ZNF737: variants seen among roughly 807,000 people sequenced by gnomAD.
The protein encoded by ZNF737 is zinc finger protein 102 (Y3).
A neutral mutation model predicts 11.7 loss-of-function variants in ZNF737; 13 were observed. The ratio of observed to expected loss-of-function variants is 1.11; its 90% CI spans 0.73 to 1.77. ZNF737 has a LOEUF of 1.77. ZNF737 is among the 40% of genes most tolerant of loss of function. The probability of loss-of-function intolerance (pLI) is 0.00; values close to 1 mark genes in which losing one functional copy is unlikely to be tolerated. For synonymous variants in ZNF737, 217 were observed against 216.2 expected (o/e 1.00, Z -0.03); for missense variants, 636 against 638.0 (o/e 1.00, Z 0.03).
chr19:20,541,343 TTAAAAC>T lies in ZNF737; in HGVS notation c.*3243_*3248del, dbSNP rs1256656467. Reference sequence around the variant, plus strand: ...ATGTGTATATTTAACTCTATGTAAATTAAAACTAAAAGTCTATGTGTTTGCAGGCAG... The same window carrying T: ...ATGTGTATATTTAACTCTATGTAAATTAAAAGTCTATGTGTTTGCAGGCAG... On this transcript the variant is annotated 3_prime_UTR_variant, in exon 4 of 4. Coordinates refer to ENST00000427401, the MANE Select transcript of ZNF737 (RefSeq NM_001159293.2). 7.1e-6 allele frequency: 7 copies of T among 983,696 alleles called. No homozygotes were observed. Among genetic ancestry groups the T allele is most frequent in the African/African-American group, 1.7e-5 (1 of 57,210 alleles). 60.9% of individuals were successfully genotyped at this position (983,696 alleles called of 1,614,324 possible).
rs1215056977 is a variant in ZNF737 at position 20,539,634 on chromosome 19, T to G, written c.*4958A>C. The G allele has an allele frequency of 2.1e-6, 2 of 947,724 alleles. No homozygotes were observed. Among genetic ancestry groups the G allele is most frequent in the Non-Finnish European group, 2.5e-6 (2 of 795,790 alleles). 58.7% of individuals were successfully genotyped at this position (947,724 alleles called of 1,614,324 possible). A position where few individuals can be genotyped will look rare whatever the true frequency, so the allele number is the denominator to read the frequency against. On this transcript the variant is annotated 3_prime_UTR_variant, in exon 4 of 4. Transcript: ENST00000427401. Reference sequence around the variant, plus strand: ...ATATTAATGTGTTTACAGTTTAATCTTGTATTACAGTATAGTAGAATCCTC... The same window carrying G: ...ATATTAATGTGTTTACAGTTTAATCGTGTATTACAGTATAGTAGAATCCTC...
Position 20,545,408 on chromosome 19 carries a change from G to C in ZNF737, c.795C>G (p.Ala265=). 1.2e-6 allele frequency: 2 copies of C among 1,612,630 alleles called. No homozygotes were observed. Among genetic ancestry groups the C allele is most frequent in the Middle Eastern group, 1.7e-4 (1 of 6,054 alleles). Residue 265 remains alanine, a synonymous_variant, in exon 4 of 4, where the codon GCC becomes GCG. Transcript: ENST00000427401. ...KPYKCEECGK[A]FKRSSNLTTH... is the part of the protein sequence containing the mutation. ...TAGTAAGGTTAGAGGAGCGCTTAAA[G>C]GCCTTGCCACATTCTTCACATTTGT...
At chr19:20,531,432 G>C (rs1555752846), downstream of ZNF737, among the ~76,000 whole-genome samples, 3 of 138,000 alleles carry the variant, frequency 2.2e-5, no homozygotes, top group Non-Finnish European at 4.6e-5. Flanking sequence ...GTACTTTAAA[G>C]GTTTTGTGTA....
intron 1 of ZNF737, among the ~76,000 whole-genome samples, chr19:20,555,167 T>A (rs560531518): frequency 6.8e-6 from 1 of 147,090 alleles, no homozygotes; most frequent in East Asian, 2.1e-4. Flanking sequence ...CCAATCTAAA[T>A]AAGGAATTTC....
chr19:20,550,478 G>C (rs1568430886), intron 3 of ZNF737, among the ~76,000 whole-genome samples: 1 of 152,164 alleles, frequency 6.6e-6, no homozygotes, highest in Non-Finnish European at 1.5e-5. Flanking sequence ...AAATCTGAAA[G>C]AGAACATAGA....
intron 2 of ZNF737, among the ~76,000 whole-genome samples, chr19:20,553,328 G>C (rs868981509): frequency 6.6e-6 from 1 of 151,698 alleles, no homozygotes; most frequent in African/African-American, 2.4e-5. Flanking sequence ...GCATTATTTC[G>C]ACTCACTGCA....
At chr19:20,532,701 T>C (rs1309405267), downstream of ZNF737, among the ~76,000 whole-genome samples, 1 of 150,028 alleles carries the variant, frequency 6.7e-6, no homozygotes, top group African/African-American at 2.5e-5. Context: ...GAGGTTCTGT[T>C]CGTCTATCTA....
rs1555754677 is a variant in ZNF737 at position 20,539,624 on chromosome 19, C to T, written c.*4968G>A. On this transcript the variant is annotated 3_prime_UTR_variant, in exon 4 of 4. Coordinates refer to ENST00000427401, the MANE Select transcript of ZNF737 (RefSeq NM_001159293.2). ...AAAAATATTCATATTAATGTGTTTA[C>T]AGTTTAATCTTGTATTACAGTATAG... 2 of 956,352 alleles carry T rather than the reference C, an allele frequency of 2.1e-6. No individual in the cohort carries two copies. The highest frequency in any genetic ancestry group is 1.2e-6 in the Non-Finnish European group (1 of 803,554). The allele number at this position is 956,352 out of a possible 1,614,324, so 59.2% of individuals were successfully genotyped here. A position where few individuals can be genotyped will look rare whatever the true frequency, so the allele number is the denominator to read the frequency against.
chr19:20,531,848 A>G (rs1479594698), downstream of ZNF737, among the ~76,000 whole-genome samples: 1 of 150,274 alleles, frequency 6.7e-6, no homozygotes, highest in Non-Finnish European at 1.5e-5. Flanking sequence ...GGAGATAAAT[A>G]CTCACATAGA....
At chr19:20,552,347 AAC>A in intron 3 of ZNF737, 126 bp downstream of exon 3, 2 of 540,616 alleles carry the variant, frequency 3.7e-6, no homozygotes, top group East Asian at 4.0e-5. Context: ...AAAAAAAAAA[AAC>A]AGCTCCCAGG....
chr19:20,532,519 A>G (rs1179289216), downstream of ZNF737, among the ~76,000 whole-genome samples: 3 of 150,042 alleles, frequency 2.0e-5, 1 homozygote, highest in Admixed American at 1.3e-4. Flanking sequence ...ATCTGAGGCT[A>G]TTTCCATTTT....
chr19:20,532,262 TGG>T (rs1967848304), downstream of ZNF737, among the ~76,000 whole-genome samples: 2 of 150,238 alleles, frequency 1.3e-5, no homozygotes, highest in African/African-American at 4.9e-5. Context: ...TGGGATCACC[TGG>T]GCTGTGCAAA....
downstream of ZNF737, among the ~76,000 whole-genome samples, chr19:20,536,754 C>T (rs1422307709): frequency 4.6e-5 from 7 of 152,134 alleles, no homozygotes; most frequent in African/African-American, 1.7e-4. Context: ...CCAGCCTGGG[C>T]AACATGGCTA....
chr19:20,560,074 G>A (rs1373981527), intron 1 of ZNF737, among the ~76,000 whole-genome samples: 5 of 150,390 alleles, frequency 3.3e-5, no homozygotes, highest in Admixed American at 1.3e-4. Context: ...GCTGAGGCAG[G>A]AGAATGGCGT....
intron 1 of ZNF737, among the ~76,000 whole-genome samples, chr19:20,558,891 T>C (rs1968984213): frequency 6.6e-6 from 1 of 152,166 alleles, no homozygotes; most frequent in Admixed American, 6.5e-5. Flanking sequence ...GCCACCCTCC[T>C]ATAACCATCA....
chr19:20,558,012 C>T (rs1196443228), intron 1 of ZNF737, among the ~76,000 whole-genome samples: 2 of 151,956 alleles, frequency 1.3e-5, no homozygotes, highest in Non-Finnish European at 2.9e-5. Flanking sequence ...TGCCCATAAT[C>T]CCAGCACTTT....
Position 20,554,210 on chromosome 19 carries a change from G to A in ZNF737, c.4-375C>T, listed in dbSNP as rs113735558. 1.5e-3 allele frequency among the ~76,000 whole-genome samples: 231 copies of A among 152,266 alleles called. 1 individual carries two copies. The highest frequency in any genetic ancestry group is 3.4e-3 in the Middle Eastern group (1 of 294). On this transcript the variant is annotated intron_variant, in intron 1 of 3. Transcript: ENST00000427401. The stretch of plus-strand genomic sequence containing the variant: ...TCTAAAATTTAAATATATACAATAA[G>A]TTGAAGACCTTGTTATGCAGGGTTT...
chr19:20,548,639 G>A (rs1469580618), intron 3 of ZNF737, among the ~76,000 whole-genome samples: 4 of 151,224 alleles, frequency 2.6e-5, no homozygotes, highest in Admixed American at 1.3e-4. Flanking sequence ...TTTGAGACAC[G>A]GTCTCACTCT....
intron 2 of ZNF737, among the ~76,000 whole-genome samples, chr19:20,552,793 C>T (rs1483247113): frequency 6.6e-6 from 1 of 152,044 alleles, no homozygotes; most frequent in Non-Finnish European, 1.5e-5. Context: ...GTGGGTGAAT[C>T]ACGAGGTCAT....
Sources: gnomAD v4.1 joint callset for allele counts (sites outside exome capture counted in the v4.1 genomes callset) on GRCh38, gnomAD v4.1.1 for gene constraint, MANE v1.5 for transcripts, NCBI Gene and HGNC (gene_info 2026-07-23, HGNC 2026-07-21) for gene names.